The following ACAN variants were observed in gnomAD, a reference collection of about 807,000 sequenced individuals.
ACAN encodes aggrecan.
In ACAN, 47 loss-of-function variants were observed where a neutral mutation model predicts 169.1. That is an observed-to-expected ratio of 0.28 (90% CI 0.22 to 0.35). The LOEUF (loss-of-function observed/expected upper bound fraction) is 0.35. Among genes scored for constraint, ACAN ranks in the 10% least tolerant of loss-of-function variants. The pLI is 1.00. For synonymous variants in ACAN, 1,115 were observed against 1,112.2 expected (o/e 1.00, Z -0.05); for missense variants, 2,716 against 2,759.9 (o/e 0.98, Z 0.36).
chr15:88,862,541 C>T (rs1203011095), intron 13 of ACAN, among the ~76,000 whole-genome samples: 1 of 152,182 alleles, frequency 6.6e-6, no homozygotes, highest in East Asian at 1.9e-4. Context: ...CAGCACAAAA[C>T]CTGGGTCTCT....
chr15:88,847,542 G>T lies in ACAN; in HGVS notation c.1604+125G>T, dbSNP rs571412388. ...CTTGTGGGTTAATGAATGAATTAGT[G>T]ACTCAACTGAGGCATATCCCGAAAG... On this transcript the variant is annotated intron_variant, in intron 8 of 18. Transcript: ENST00000560601. 4.1e-5 allele frequency: 48 copies of T among 1,174,948 alleles called. No individual in the cohort carries two copies. In the South Asian group the frequency reaches 8.5e-4, roughly 21 times the overall value. 72.8% of individuals were successfully genotyped at this position (1,174,948 alleles called of 1,614,324 possible).
Position 88,838,830 on chromosome 15 carries a change from A to C in ACAN, c.238A>C (p.Lys80Gln), listed in dbSNP as rs1344272498. The change falls in exon 3 of 19, where the codon AAG becomes CAG. Residue 80 changes from lysine (K) to glutamine (Q), a missense_variant. Lys to Gln is a moderately conservative substitution (Grantham distance 53). Transcript: ENST00000560601. This position sits in a 1 kb window ranked among gnomAD's most constrained non-coding sequence, Gnocchi z 5.1. ...AAGAATCAAGTGGAGCCGTGTGTCCAAGGAGAAGGAGGTAGTGCTGCTGGT... is the reference window on the plus strand; with the variant it reads ...AAGAATCAAGTGGAGCCGTGTGTCCCAGGAGAAGGAGGTAGTGCTGCTGGT... ...APRIKWSRVS[K>Q]EKEVVLLVAT... 6 of 1,613,852 alleles carry C rather than the reference A, an allele frequency of 3.7e-6. No homozygotes were observed. Among genetic ancestry groups the C allele is most frequent in the African/African-American group, 1.3e-5 (1 of 74,904 alleles).
chr15:88,852,449 C>T (rs1294913240), intron 11 of ACAN, among the ~76,000 whole-genome samples: 1 of 152,180 alleles, frequency 6.6e-6, no homozygotes, highest in Non-Finnish European at 1.5e-5. Context: ...GGAAGTCTGA[C>T]TGTGACCTGT....
chr15:88,804,540 A>C (rs1895628179), intron 1 of ACAN, among the ~76,000 whole-genome samples: 1 of 152,216 alleles, frequency 6.6e-6, no homozygotes, highest in Non-Finnish European at 1.5e-5. Context: ...AGTTGAGGAC[A>C]CACGACCACG....
chr15:88,832,655 T>G lies in ACAN; in HGVS notation c.-7-3545T>G, dbSNP rs189174609. Among the ~76,000 whole-genome samples the G allele has an allele frequency of 3.1e-3, 466 of 152,332 alleles. 5 individuals are homozygous for G. Among genetic ancestry groups the G allele is most frequent in the African/African-American group, 0.011 (439 of 41,582 alleles). On this transcript the variant is annotated intron_variant, in intron 1 of 18. Transcript: ENST00000560601. ...GGATTGTAGATGATGGTCATTTTTT[T>G]CCCCATTGTCCTATTTTCCAAATAT...
intron 1 of ACAN, among the ~76,000 whole-genome samples, chr15:88,816,662 G>A (rs1009394947): frequency 3.0e-4 from 46 of 152,162 alleles, no homozygotes; most frequent in African/African-American, 8.0e-4. Context: ...CATGCACTAT[G>A]CTTAGAGAAA....
intron 1 of ACAN, among the ~76,000 whole-genome samples, chr15:88,811,101 A>G (rs1358440914): frequency 6.6e-6 from 1 of 152,202 alleles, no homozygotes; most frequent in East Asian, 1.9e-4. Flanking sequence ...TGGTTTGTAT[A>G]GAACACGCCT....
At chr15:88,847,477 A>T in intron 8 of ACAN, 60 bp downstream of exon 8, 1 of 1,459,978 alleles carries the variant, frequency 6.8e-7, no homozygotes, top group African/African-American at 1.4e-5. Flanking sequence ...TTAAGGAGCC[A>T]CAGCCTGACA....
intron 1 of ACAN, among the ~76,000 whole-genome samples, chr15:88,805,050 G>A (rs1895642840): frequency 6.6e-6 from 1 of 152,162 alleles, no homozygotes; most frequent in Non-Finnish European, 1.5e-5. Context: ...TGTGACTTAG[G>A]GTCAAGGGCA....
intron 1 of ACAN, among the ~76,000 whole-genome samples, chr15:88,804,311 T>G (rs1315773691): frequency 6.6e-6 from 1 of 152,194 alleles, no homozygotes; most frequent in African/African-American, 2.4e-5. Context: ...ATGGACACTA[T>G]GTCAGGGACA....
In ACAN at chr15:88,839,176, T is replaced by C. The variant is rs1345989092; in HGVS notation, c.454+130T>C. ...ACGCACCTCAGCCAAGTTACTTAAC[T>C]TCAGCTGCTTCCTCTGTGACATGGA... On this transcript the variant is annotated intron_variant, in intron 3 of 18. Coordinates refer to ENST00000560601, the MANE Select transcript of ACAN (RefSeq NM_001369268.1). The surrounding 1 kb of genome is among the most constrained non-coding windows in gnomAD (Gnocchi z 4.5). 1 of 1,155,286 alleles carries C rather than the reference T, an allele frequency of 8.7e-7. No individual in the cohort carries two copies. Among genetic ancestry groups the C allele is most frequent in the African/African-American group, 1.5e-5 (1 of 65,076 alleles). The allele number at this position is 1,155,286 out of a possible 1,614,324, so 71.6% of individuals were successfully genotyped here. A position where few individuals can be genotyped will look rare whatever the true frequency, so the allele number is the denominator to read the frequency against.
Position 88,873,711 on chromosome 15 carries a change from C to T in ACAN, c.7448-131C>T, listed in dbSNP as rs375226006. The T allele has an allele frequency of 1.1e-6, 1 of 947,422 alleles. No homozygotes were observed. Among genetic ancestry groups the T allele is most frequent in the African/African-American group, 1.6e-5 (1 of 60,632 alleles). 58.7% of individuals were successfully genotyped at this position (947,422 alleles called of 1,614,324 possible). On this transcript the variant is annotated intron_variant, in intron 17 of 18. Transcript: ENST00000560601. The surrounding 1 kb of genome is among the most constrained non-coding windows in gnomAD (Gnocchi z 7.5). The stretch of plus-strand genomic sequence containing the variant: ...GCCAGCGGCTTCCAGATTCTTAGCG[C>T]TGCATGAAAACGTCCAGGGCTCACT...
rs1897193187 is a variant in ACAN, at chr15:88,861,516, T to C, written c.6946+1077T>C. 6.6e-6 allele frequency among the ~76,000 whole-genome samples: 1 copy of C among 152,142 alleles called. No individual in the cohort carries two copies. Among genetic ancestry groups the C allele is most frequent in the African/African-American group, 2.4e-5 (1 of 41,402 alleles). On this transcript the variant is annotated intron_variant, in intron 13 of 18. Transcript: ENST00000560601. The surrounding 1 kb of genome is among the most constrained non-coding windows in gnomAD (Gnocchi z 6.3). ...TTATATATCATATAAACATGCTGTA[T>C]ACATGGTACATATGCAGTAACTATA...
In ACAN at chr15:88,868,368, T is replaced by C. The variant is rs1296941010; in HGVS notation, c.7060+39T>C. ...GGCTTCAGCTAATGTTACTAACTGC[T>C]GCACCCCCTCCTCCTCCCTCACCTT... is the stretch of plus-strand genomic sequence containing the variant. On this transcript the variant is annotated intron_variant, in intron 14 of 18. Coordinates refer to ENST00000560601, the MANE Select transcript of ACAN (RefSeq NM_001369268.1). The surrounding 1 kb of genome is among the most constrained non-coding windows in gnomAD (Gnocchi z 5.2). The C allele has an allele frequency of 2.9e-6, 2 of 697,258 alleles. No homozygotes were observed. The highest frequency in any genetic ancestry group is 2.6e-6 in the Non-Finnish European group (1 of 381,448). 43.2% of individuals were successfully genotyped at this position (697,258 alleles called of 1,614,324 possible).
rs1022862565 is a variant in ACAN at position 88,843,834 on chromosome 15, C to T, written c.1051+186C>T. 6.6e-6 allele frequency among the ~76,000 whole-genome samples: 1 copy of T among 152,184 alleles called. No individual in the cohort carries two copies. Among genetic ancestry groups the T allele is most frequent in the Non-Finnish European group, 1.5e-5 (1 of 68,032 alleles). ...CCTAGGAAGCCCTAAGGTAGAGACT[C>T]TTGAGACTGCAGCGTATCTAGCTCT... On this transcript the variant is annotated intron_variant, in intron 6 of 18. Transcript: ENST00000560601. This position sits in a 1 kb window ranked among gnomAD's most constrained non-coding sequence, Gnocchi z 4.0.
Position 88,807,693 on chromosome 15 carries a change from A to T in ACAN, c.-8+3884A>T, listed in dbSNP as rs1276027003. On this transcript the variant is annotated intron_variant, in intron 1 of 18. Transcript: ENST00000560601. The surrounding 1 kb of genome is among the most constrained non-coding windows in gnomAD (Gnocchi z 4.0). ...TTCAAAAGTTGAATCCAGGGCAAGA[A>T]CGGAAACGGTGGAGTTTACTTTTAA... 2.6e-5 allele frequency among the ~76,000 whole-genome samples: 4 copies of T among 151,994 alleles called. No individual in the cohort carries two copies. The East Asian group carries it at 5.9e-4, about 22-fold the overall frequency.
intron 5 of ACAN, among the ~76,000 whole-genome samples, chr15:88,842,620 A>G (rs1036457268): frequency 2.6e-5 from 4 of 151,718 alleles, no homozygotes; most frequent in Non-Finnish European, 5.9e-5. Context: ...CTTTCTCACC[A>G]TCGTAGGCCC....
rs142982259 is a variant in ACAN at position 88,814,673 on chromosome 15, C to G, written c.-8+10864C>G. Among the ~76,000 whole-genome samples the G allele has an allele frequency of 2.1e-4, 32 of 152,344 alleles. No individual in the cohort carries two copies. Among genetic ancestry groups the G allele is most frequent in the Admixed American group, 6.5e-4 (10 of 15,304 alleles). On this transcript the variant is annotated intron_variant, in intron 1 of 18. Coordinates refer to ENST00000560601, the MANE Select transcript of ACAN (RefSeq NM_001369268.1). This position sits in a 1 kb window ranked among gnomAD's most constrained non-coding sequence, Gnocchi z 4.0. The stretch of plus-strand genomic sequence containing the variant: ...TCCTCGAGTTGTGCCAGTGTGCAGC[C>G]TTTGCAATTGATTGTACCCGACTCC...
intron 1 of ACAN, among the ~76,000 whole-genome samples, chr15:88,811,780 C>T (rs920620872): frequency 6.6e-6 from 1 of 152,128 alleles, no homozygotes; most frequent in African/African-American, 2.4e-5. Flanking sequence ...TGGGGGTGAA[C>T]AGCAGCCCCC....
Sources: gnomAD v4.1 joint callset for allele counts (sites outside exome capture counted in the v4.1 genomes callset) on GRCh38, gnomAD v4.1.1 for gene constraint, Gnocchi (gnomAD v3.1) non-coding constraint, MANE v1.5 for transcripts, NCBI Gene and HGNC (gene_info 2026-07-23, HGNC 2026-07-21) for gene names.